Variants in PITPNC1 observed in about 807,000 individuals in gnomAD.
PITPNC1 encodes the protein phosphatidylinositol transfer protein cytoplasmic 1.
PITPNC1 carries 18 observed loss-of-function variants against 44.7 expected under a neutral mutation model. The observed-to-expected ratio is 0.40, with a 90% CI of 0.28 to 0.60. PITPNC1 has a LOEUF of 0.60. PITPNC1 is among the 20% of genes least tolerant of loss of function. PITPNC1 has a pLI of 0.39. For missense variants in PITPNC1, 290 were observed against 418.4 expected (o/e 0.69, Z 2.68); for synonymous variants, 141 against 149.6 (o/e 0.94, Z 0.42).
chr17:67,494,516 G>T (rs1268768680), intron 1 of PITPNC1, among the ~76,000 whole-genome samples: 1 of 151,960 alleles, frequency 6.6e-6, no homozygotes, highest in Non-Finnish European at 1.5e-5. Flanking sequence ...TCTTTCAATG[G>T]CAACAGATAT....
intron 5 of PITPNC1, 39 bp downstream of exon 5, chr17:67,578,296 G>A: frequency 7.2e-7 from 1 of 1,390,432 alleles, no homozygotes; most frequent in Non-Finnish European, 1.0e-6. Context: ...TCGCCTCGTG[G>A]GCTCTGAATA....
At chr17:67,525,960 T>C (rs993875283) in intron 1 of PITPNC1, among the ~76,000 whole-genome samples, 9 of 152,160 alleles carry the variant, frequency 5.9e-5, no homozygotes, top group African/African-American at 2.2e-4. Flanking sequence ...TGATATGGCG[T>C]CCGCCCATTT....
chr17:67,466,321 T>G (rs2039427885), intron 1 of PITPNC1, among the ~76,000 whole-genome samples: 2 of 152,170 alleles, frequency 1.3e-5, no homozygotes, highest in Non-Finnish European at 2.9e-5. Flanking sequence ...GCCACTGGGC[T>G]GGCCAAAGTC....
Position 67,502,811 on chromosome 17 carries a change from G to C in PITPNC1, c.49-29991G>C, listed in dbSNP as rs573979820. Among the ~76,000 whole-genome samples the C allele has an allele frequency of 4.8e-5, 6 of 125,426 alleles. No homozygotes were observed. The East Asian group carries it at 1.3e-3, about 27-fold the overall frequency. 82.3% of individuals were successfully genotyped at this position (125,426 alleles called of 152,430 possible). A position where few individuals can be genotyped will look rare whatever the true frequency, so the allele number is the denominator to read the frequency against. The stretch of plus-strand genomic sequence containing the variant: ...TTGTATTGTATTGTATTGTATTTTA[G>C]AGATGGAGTCTTGCTCTGTCACCCA... On this transcript the variant is annotated intron_variant, in intron 1 of 8. Transcript: ENST00000581322.
chr17:67,440,921 A>G (rs1304910079), intron 1 of PITPNC1, among the ~76,000 whole-genome samples: 1 of 152,098 alleles, frequency 6.6e-6, no homozygotes, highest in African/African-American at 2.4e-5. Context: ...CCCAATAAAT[A>G]CCAAATAAAC....
chr17:67,481,688 A>T (rs1369649313), intron 1 of PITPNC1, among the ~76,000 whole-genome samples: 2 of 152,064 alleles, frequency 1.3e-5, no homozygotes, highest in Non-Finnish European at 2.9e-5. Flanking sequence ...TTAAAAAGGA[A>T]GTTGAGTTTT....
chr17:67,394,904 A>T (rs2038194213), intron 1 of PITPNC1, among the ~76,000 whole-genome samples: 1 of 152,066 alleles, frequency 6.6e-6, no homozygotes, highest in Admixed American at 6.6e-5. Context: ...CGAGGAAAAA[A>T]AAAAAAGGTT....
intron 1 of PITPNC1, among the ~76,000 whole-genome samples, chr17:67,399,546 G>C (rs1480102370): frequency 6.6e-6 from 1 of 152,102 alleles, no homozygotes; most frequent in African/African-American, 2.4e-5. Flanking sequence ...TTTGCTTTTT[G>C]TCTAACATCA....
Position 67,555,478 on chromosome 17 carries a change from A to G in PITPNC1, c.294+1861A>G, listed in dbSNP as rs192606796. On this transcript the variant is annotated intron_variant, in intron 4 of 8. Coordinates refer to ENST00000581322, the MANE Select transcript of PITPNC1 (RefSeq NM_012417.4). ...ACAGCAGGTAATTAAATGATTCCCT[A>G]CCACCAACACTACCCCCTAGTTCCA... 4.4e-3 allele frequency among the ~76,000 whole-genome samples: 669 copies of G among 152,198 alleles called. 8 individuals are homozygous for G. Among genetic ancestry groups the G allele is most frequent in the African/African-American group, 0.016 (649 of 41,526 alleles).
At chr17:67,408,525 G>A (rs12386048) in intron 1 of PITPNC1, among the ~76,000 whole-genome samples, 51,402 of 151,746 alleles carry the variant, frequency 0.34, 9,031 homozygotes, top group Middle Eastern at 0.42. Flanking sequence ...GTGAGACTCC[G>A]TCTCAAAACA....
chr17:67,674,463 C>G (rs995214811), intron 7 of PITPNC1, among the ~76,000 whole-genome samples: 1 of 148,514 alleles, frequency 6.7e-6, no homozygotes, highest in African/African-American at 2.5e-5. Context: ...GAGATTGCAC[C>G]ACTGCACTTC....
intron 1 of PITPNC1, among the ~76,000 whole-genome samples, chr17:67,466,217 C>G (rs576525754): frequency 6.7e-6 from 1 of 149,976 alleles, no homozygotes; most frequent in African/African-American, 2.5e-5. Context: ...GGGGGGGGCG[C>G]GTCTCACGAT....
chr17:67,572,468 C>CGGGG (rs34297453), intron 4 of PITPNC1, among the ~76,000 whole-genome samples: 2 of 48,934 alleles, frequency 4.1e-5, no homozygotes, highest in African/African-American at 7.4e-5. Flanking sequence ...CTGGGTAAAG[C>CGGGG]GGGGGGGGGG....
At chr17:67,451,927 C>T (rs1431003049) in intron 1 of PITPNC1, among the ~76,000 whole-genome samples, 3 of 151,392 alleles carry the variant, frequency 2.0e-5, no homozygotes, top group Admixed American at 6.6e-5. Flanking sequence ...TGAGCCACCA[C>T]GCCTGGCCGA....
intron 1 of PITPNC1, among the ~76,000 whole-genome samples, chr17:67,471,884 T>G (rs187202476): frequency 3.3e-4 from 51 of 152,298 alleles, no homozygotes; most frequent in African/African-American, 1.2e-3. Flanking sequence ...GGATATAATG[T>G]TGCACTTAAT....
intron 4 of PITPNC1, among the ~76,000 whole-genome samples, chr17:67,576,464 C>G (rs1320602681): frequency 6.6e-6 from 1 of 152,150 alleles, no homozygotes; most frequent in African/African-American, 2.4e-5. Context: ...GTACTGGAAT[C>G]ATGTATAAGG....
chr17:67,603,563 T>A (rs2041570047), intron 5 of PITPNC1, among the ~76,000 whole-genome samples: 1 of 152,216 alleles, frequency 6.6e-6, no homozygotes, highest in Non-Finnish European at 1.5e-5. Context: ...GACTCAATTC[T>A]AGGTTAGTTT....
At chr17:67,652,529 A>G (rs1366534592) in intron 6 of PITPNC1, among the ~76,000 whole-genome samples, 3 of 152,196 alleles carry the variant, frequency 2.0e-5, no homozygotes, top group Non-Finnish European at 2.9e-5. Flanking sequence ...CAAGGGTCCA[A>G]TTTGCCATCT....
intron 7 of PITPNC1, among the ~76,000 whole-genome samples, chr17:67,673,493 GT>G (rs1443959904): frequency 1.3e-5 from 2 of 152,048 alleles, no homozygotes; most frequent in Non-Finnish European, 2.9e-5. Context: ...CATCCTTTTT[GT>G]GTCCAGTCAA....
Sources: gnomAD v4.1 joint callset for allele counts (sites outside exome capture counted in the v4.1 genomes callset) on GRCh38, gnomAD v4.1.1 for gene constraint, MANE v1.5 for transcripts, NCBI Gene and HGNC (gene_info 2026-07-23, HGNC 2026-07-21) for gene names.